Variants in ADGRL3 observed in about 807,000 individuals in gnomAD.
ADGRL3 encodes the protein adhesion G protein-coupled receptor L3.
In ADGRL3, 62 loss-of-function variants were observed where a neutral mutation model predicts 153.5. The ratio of observed to expected loss-of-function variants is 0.40; its 90% CI spans 0.33 to 0.50. The LOEUF is 0.50. ADGRL3 is among the 20% of genes least tolerant of loss of function. The pLI is 0.47. For synonymous variants in ADGRL3, 710 were observed against 672.5 expected (o/e 1.06, Z -0.86); for missense variants, 1,641 against 1,859.4 (o/e 0.88, Z 2.16).
At chr4:61,398,664 C>T (rs1161228372) in intron 2 of ADGRL3, among the ~76,000 whole-genome samples, 3 of 151,452 alleles carry the variant, frequency 2.0e-5, no homozygotes, top group Non-Finnish European at 4.4e-5. Flanking sequence ...TCCCACTTCA[C>T]TTATGGAACC....
At chr4:61,236,765 C>T (rs925820679) in intron 1 of ADGRL3, among the ~76,000 whole-genome samples, 1 of 152,056 alleles carries the variant, frequency 6.6e-6, no homozygotes, top group Admixed American at 6.6e-5. Flanking sequence ...ATAATTGTCA[C>T]ATGAAGTTGT....
intron 2 of ADGRL3, among the ~76,000 whole-genome samples, chr4:61,441,185 A>G (rs1190923128): frequency 6.6e-6 from 1 of 152,088 alleles, no homozygotes; most frequent in Non-Finnish European, 1.5e-5. Context: ...CAAAAGCCTG[A>G]CCAGTTCCTC....
At chr4:61,626,462 A>G (rs939663838) in intron 5 of ADGRL3, among the ~76,000 whole-genome samples, 1 of 152,000 alleles carries the variant, frequency 6.6e-6, no homozygotes, top group African/African-American at 2.4e-5. Context: ...ATATCCTATT[A>G]GTACTGTCTA....
intron 8 of ADGRL3, among the ~76,000 whole-genome samples, chr4:61,793,162 T>C (rs34223968): frequency 0.058 from 8,807 of 152,098 alleles, 339 homozygotes; most frequent in Non-Finnish European, 0.085. Flanking sequence ...TGGTGGCTCA[T>C]GCCTGTAATC....
intron 5 of ADGRL3, among the ~76,000 whole-genome samples, chr4:61,655,753 A>G (rs1180912842): frequency 1.3e-5 from 2 of 152,216 alleles, no homozygotes; most frequent in Non-Finnish European, 2.9e-5. Flanking sequence ...ATGGCAAACT[A>G]TACTTTCACA....
intron 8 of ADGRL3, among the ~76,000 whole-genome samples, chr4:61,742,923 A>G (rs2096599729): frequency 6.6e-6 from 1 of 152,212 alleles, no homozygotes; most frequent in Non-Finnish European, 1.5e-5. Flanking sequence ...ATCTATTTAT[A>G]CTAGCGAAGA....
intron 1 of ADGRL3, among the ~76,000 whole-genome samples, chr4:61,242,687 ACACATGTATT>A: frequency 6.6e-6 from 1 of 152,062 alleles, no homozygotes; most frequent in African/African-American, 2.4e-5. Flanking sequence ...AATTCCCAGT[ACACATGTATT>A]CACTGCCTTA....
At chr4:61,763,338 C>T (rs537509889) in intron 8 of ADGRL3, among the ~76,000 whole-genome samples, 3 of 151,894 alleles carry the variant, frequency 2.0e-5, no homozygotes, top group Non-Finnish European at 2.9e-5. Context: ...CAGGTGTGTG[C>T]CACCATGTCC....
In ADGRL3 at chr4:61,775,431, T is replaced by TGTGC. The variant is rs1198181917; in HGVS notation, c.1400-38377_1400-38376insTGCG. The TGTGC allele has an allele frequency of 1.4e-4, 96 of 680,930 alleles. 1 individual carries two copies. In the African/African-American group the frequency reaches 1.5e-3, roughly 11 times the overall value. The allele number at this position is 680,930 out of a possible 1,614,324, so 42.2% of individuals were successfully genotyped here. A position where few individuals can be genotyped will look rare whatever the true frequency, so the allele number is the denominator to read the frequency against. ...GTGTGTGTGTGTGTGTGTGTGTGTG[T>TGTGC]GCCAAAGATTTATGTCTTCATTTCT... On this transcript the variant is annotated intron_variant, in intron 8 of 26. Transcript: ENST00000683033.
chr4:61,337,756 G>A (rs956990634), intron 1 of ADGRL3, among the ~76,000 whole-genome samples: 4 of 152,060 alleles, frequency 2.6e-5, no homozygotes, highest in African/African-American at 9.7e-5. Flanking sequence ...GTCAGTGCTT[G>A]CTTCCTTTAA....
intron 8 of ADGRL3, among the ~76,000 whole-genome samples, chr4:61,789,774 A>AT (rs2097320248): frequency 6.6e-6 from 1 of 152,210 alleles, no homozygotes; most frequent in Non-Finnish European, 1.5e-5. Context: ...ATATGCTTAT[A>AT]TACTAGAACA....
chr4:61,911,765 CACA>C (rs2098722947), intron 12 of ADGRL3, among the ~76,000 whole-genome samples: 1 of 151,724 alleles, frequency 6.6e-6, no homozygotes, highest in South Asian at 2.1e-4. Flanking sequence ...GAGTATAGGC[CACA>C]CAAAAGGCAT....
chr4:61,521,651 C>G (rs1281292753), intron 4 of ADGRL3, among the ~76,000 whole-genome samples: 2 of 151,976 alleles, frequency 1.3e-5, no homozygotes, highest in African/African-American at 4.8e-5. Context: ...AATAACAGGA[C>G]TTAGATATTC....
chr4:61,900,236 C>A (rs1291757011), intron 11 of ADGRL3, among the ~76,000 whole-genome samples: 1 of 152,072 alleles, frequency 6.6e-6, no homozygotes, highest in African/African-American at 2.4e-5. Context: ...CTAAATGCAC[C>A]AAGTTGCTGA....
intron 5 of ADGRL3, among the ~76,000 whole-genome samples, chr4:61,664,698 TTGTTCTTAAAGTC>T (rs1177271122): frequency 3.3e-5 from 5 of 152,174 alleles, no homozygotes; most frequent in Non-Finnish European, 7.3e-5. Flanking sequence ...AGTAAAATAT[TTGTTCTTAAAGTC>T]TGAAAACATA....
At chr4:61,817,240 C>T (rs1275478416) in intron 9 of ADGRL3, among the ~76,000 whole-genome samples, 1 of 150,510 alleles carries the variant, frequency 6.6e-6, no homozygotes, top group Non-Finnish European at 1.5e-5. Context: ...GCTGAAAGGG[C>T]CGGGTGTCCG....
At chr4:61,779,107 A>G (rs986653504) in intron 8 of ADGRL3, among the ~76,000 whole-genome samples, 1 of 152,142 alleles carries the variant, frequency 6.6e-6, no homozygotes, top group African/African-American at 2.4e-5. Flanking sequence ...GTTTTACTAC[A>G]ATGTTATGTA....
intron 25 of ADGRL3, among the ~76,000 whole-genome samples, chr4:62,045,219 C>G (rs972298346): frequency 6.6e-6 from 1 of 151,716 alleles, no homozygotes; most frequent in African/African-American, 2.4e-5. Context: ...CTCCCTTTCT[C>G]TGTCTCTCTT....
chr4:61,409,162 G>A (rs543714383), intron 2 of ADGRL3, among the ~76,000 whole-genome samples: 91 of 142,882 alleles, frequency 6.4e-4, no homozygotes, highest in African/African-American at 2.4e-3. Flanking sequence ...AAAAATCCCA[G>A]TTAGTTGAAA....
Sources: gnomAD v4.1 joint callset for allele counts (sites outside exome capture counted in the v4.1 genomes callset) on GRCh38, gnomAD v4.1.1 for gene constraint, MANE v1.5 for transcripts, NCBI Gene and HGNC (gene_info 2026-07-23, HGNC 2026-07-21) for gene names.